Variants in NEGR1 observed in about 807,000 individuals in gnomAD.
NEGR1 encodes the protein neuronal growth regulator 1.
In NEGR1, 10 loss-of-function variants were observed where a neutral mutation model predicts 40.9. The ratio of observed to expected loss-of-function variants is 0.24; its 90% CI spans 0.15 to 0.42. The LOEUF (loss-of-function observed/expected upper bound fraction) is 0.42, where lower values mean the gene tolerates loss of function less well. NEGR1 is among the 10% of genes least tolerant of loss of function. The pLI is 1.00. For missense variants in NEGR1, 352 were observed against 438.9 expected, an observed-to-expected ratio of 0.80 and a Z score of 1.77; for synonymous variants, 185 against 166.8, an observed-to-expected ratio of 1.11 and a Z score of -0.84.
chr1:72,073,812 T>C (rs1394586454), intron 1 of NEGR1, among the ~76,000 whole-genome samples: 2 of 150,588 alleles, frequency 1.3e-5, no homozygotes, highest in African/African-American at 2.4e-5. Flanking sequence ...CAAAAAAAAA[T>C]AAAAAACAAG....
At chr1:71,659,594 A>G (rs766320534) in intron 4 of NEGR1, among the ~76,000 whole-genome samples, 1 of 152,210 alleles carries the variant, frequency 6.6e-6, no homozygotes. Context: ...ACAGAGGTCT[A>G]CAATCGAGCA....
intron 2 of NEGR1, among the ~76,000 whole-genome samples, chr1:71,815,304 C>G (rs950166261): frequency 1.3e-5 from 2 of 152,002 alleles, no homozygotes; most frequent in African/African-American, 2.4e-5. Flanking sequence ...TTTGCATTTG[C>G]TGAGGAGTGT....
chr1:72,004,370 G>C (rs910171562), intron 1 of NEGR1, among the ~76,000 whole-genome samples: 2 of 152,064 alleles, frequency 1.3e-5, no homozygotes, highest in African/African-American at 4.8e-5. Context: ...GCAGTGGCAC[G>C]ATCTCTGCTC....
chr1:71,951,680 T>C (rs1180928927), intron 1 of NEGR1, among the ~76,000 whole-genome samples: 2 of 151,940 alleles, frequency 1.3e-5, no homozygotes, highest in Non-Finnish European at 2.9e-5. Flanking sequence ...ATAGACATGA[T>C]AGAAGTACAG....
At chr1:72,243,330 C>T (rs1313791671) in intron 1 of NEGR1, among the ~76,000 whole-genome samples, 1 of 151,734 alleles carries the variant, frequency 6.6e-6, no homozygotes, top group Non-Finnish European at 1.5e-5. Flanking sequence ...CTTCAATTTC[C>T]TCTTCTGTAT....
chr1:71,834,393 C>A (rs2101794672), intron 2 of NEGR1, among the ~76,000 whole-genome samples: 1 of 152,074 alleles, frequency 6.6e-6, no homozygotes. Context: ...GGGCACCATC[C>A]AATCCATGGA....
chr1:71,924,584 T>C (rs183827629), intron 2 of NEGR1, among the ~76,000 whole-genome samples: 3 of 152,284 alleles, frequency 2.0e-5, no homozygotes, highest in Admixed American at 1.3e-4. Flanking sequence ...AATCCTCAGA[T>C]AAAATTTTAA....
intron 1 of NEGR1, among the ~76,000 whole-genome samples, chr1:72,190,795 G>C (rs1652793045): frequency 6.6e-6 from 1 of 151,430 alleles, no homozygotes; most frequent in Non-Finnish European, 1.5e-5. Context: ...TAAATGACCT[G>C]CCACTCTCAT....
chr1:71,540,999 T>A (rs1024104932), intron 6 of NEGR1, among the ~76,000 whole-genome samples: 1 of 151,458 alleles, frequency 6.6e-6, no homozygotes, highest in African/African-American at 2.4e-5. Flanking sequence ...GAGAACTCAC[T>A]ATTGCAAAGA....
chr1:71,774,373 A>G (rs1427734648), intron 3 of NEGR1, among the ~76,000 whole-genome samples: 2 of 152,318 alleles, frequency 1.3e-5, no homozygotes. Flanking sequence ...GAGAGTGAAG[A>G]GTTGGCAGTC....
chr1:72,208,189 G>T (rs1653478457), intron 1 of NEGR1, among the ~76,000 whole-genome samples: 1 of 151,684 alleles, frequency 6.6e-6, no homozygotes, highest in Non-Finnish European at 1.5e-5. Context: ...CATTGTGCCT[G>T]CATGCATGTG....
intron 1 of NEGR1, among the ~76,000 whole-genome samples, chr1:72,193,027 A>T (rs2100432325): frequency 6.6e-6 from 1 of 151,872 alleles, no homozygotes; most frequent in South Asian, 2.1e-4. Context: ...AAAGGAGAGA[A>T]ATACTAGTAA....
At chr1:72,125,409 A>G (rs1332824042) in intron 1 of NEGR1, among the ~76,000 whole-genome samples, 1 of 152,094 alleles carries the variant, frequency 6.6e-6, no homozygotes, top group Admixed American at 6.6e-5. Context: ...CATTACTTAT[A>G]GTATGCCACG....
intron 6 of NEGR1, among the ~76,000 whole-genome samples, chr1:71,581,933 G>A (rs1269503036): frequency 6.6e-6 from 1 of 151,814 alleles, no homozygotes; most frequent in African/African-American, 2.4e-5. Flanking sequence ...TAAACTCCTG[G>A]GCTCAAGCAA....
chr1:71,430,655 T>A (rs1434784543), intron 6 of NEGR1, among the ~76,000 whole-genome samples: 21 of 150,844 alleles, frequency 1.4e-4, no homozygotes, highest in African/African-American at 4.9e-4. Flanking sequence ...ATAGCTTTTT[T>A]TTAAAAAAAA....
At chr1:71,945,027 A>C (rs1646004931) in intron 1 of NEGR1, among the ~76,000 whole-genome samples, 1 of 152,184 alleles carries the variant, frequency 6.6e-6, no homozygotes, top group Non-Finnish European at 1.5e-5. Flanking sequence ...TAAACTTTAT[A>C]TTTTTGAAAG....
chr1:72,135,716 C>A (rs1046574341), intron 1 of NEGR1, among the ~76,000 whole-genome samples: 1 of 152,148 alleles, frequency 6.6e-6, no homozygotes, highest in African/African-American at 2.4e-5. Context: ...GCAACAGGGT[C>A]TCCTAAAGTA....
chr1:72,087,971 A>G (rs1345883913), intron 1 of NEGR1, among the ~76,000 whole-genome samples: 1 of 152,122 alleles, frequency 6.6e-6, no homozygotes, highest in Non-Finnish European at 1.5e-5. Flanking sequence ...AGAAACAGTG[A>G]ATATCTCTTT....
chr1:71,725,963 T>A (rs1391097939), intron 3 of NEGR1, among the ~76,000 whole-genome samples: 1 of 152,094 alleles, frequency 6.6e-6, no homozygotes, highest in African/African-American at 2.4e-5. Context: ...GTTAAAAAAA[T>A]TAACAAAAAT....
Sources: gnomAD v4.1 joint callset for allele counts (sites outside exome capture counted in the v4.1 genomes callset) on GRCh38, gnomAD v4.1.1 for gene constraint, MANE v1.5 for transcripts, NCBI Gene and HGNC (gene_info 2026-07-23, HGNC 2026-07-21) for gene names.